Variants in ARHGAP18 observed in about 807,000 individuals in gnomAD.
The protein encoded by ARHGAP18 is Rho GTPase activating protein 18.
A neutral mutation model predicts 86.2 loss-of-function variants in ARHGAP18; 67 were observed. That is an observed-to-expected ratio of 0.78 (90% CI 0.64 to 0.95). The LOEUF (loss-of-function observed/expected upper bound fraction) is 0.95, where lower values mean the gene tolerates loss of function less well. Among genes scored for constraint, ARHGAP18 ranks in the 40% least tolerant of loss-of-function variants. The probability of loss-of-function intolerance (pLI) is 0.00; values close to 1 mark genes in which losing one functional copy is unlikely to be tolerated. For missense variants in ARHGAP18, 691 were observed against 780.4 expected (o/e 0.89, Z 1.37); for synonymous variants, 283 against 280.4 (o/e 1.01, Z -0.09).
At chr6:129,609,918 A>G (rs1034585943) in intron 8 of ARHGAP18, among the ~76,000 whole-genome samples, 6 of 151,248 alleles carry the variant, frequency 4.0e-5, no homozygotes, top group Non-Finnish European at 8.8e-5. Context: ...TGAAATGTAT[A>G]AAGAGTAATT....
intron 8 of ARHGAP18, among the ~76,000 whole-genome samples, chr6:129,611,041 T>A (rs1788968117): frequency 6.6e-6 from 1 of 152,130 alleles, no homozygotes; most frequent in Non-Finnish European, 1.5e-5. Context: ...GAACTCCAGG[T>A]GACCACCACA....
intron 12 of ARHGAP18, 22 bp downstream of exon 12, chr6:129,599,194 C>A: frequency 6.7e-7 from 1 of 1,498,256 alleles, no homozygotes; most frequent in Admixed American, 2.4e-5. Flanking sequence ...TGAATAAATA[C>A]ATATCTCCAC....
At chr6:129,629,272 CGTGT>C (rs1242911810) in intron 5 of ARHGAP18, 77 bp downstream of exon 5, 29 of 1,090,784 alleles carry the variant, frequency 2.7e-5, no homozygotes, top group Non-Finnish European at 3.8e-5. Flanking sequence ...TGTGTGTGTG[CGTGT>C]GTGTGTATGT....
In ARHGAP18 at chr6:129,576,726, G is replaced by A. The variant is rs750381033; in HGVS notation, c.*1787C>T. ...TTTTACTTAAATCATTATCCTCACT[G>A]CTATCTTTTTTTTTGAAGTTGTATA... On this transcript the variant is annotated 3_prime_UTR_variant, in exon 15 of 15. Coordinates refer to ENST00000368149, the MANE Select transcript of ARHGAP18 (RefSeq NM_033515.3). The A allele has an allele frequency of 2.6e-5, 4 of 151,784 alleles. No individual in the cohort carries two copies. The highest frequency in any genetic ancestry group is 7.3e-5 in the African/African-American group (3 of 41,332). The allele number at this position is 151,784 out of a possible 1,614,324, so 9.4% of individuals were successfully genotyped here.
intron 9 of ARHGAP18, 38 bp downstream of exon 9, chr6:129,607,855 C>T (rs765943657): frequency 2.8e-5 from 43 of 1,540,622 alleles, no homozygotes; most frequent in Non-Finnish European, 3.7e-5. Context: ...ATAGATGGCA[C>T]CAGCAGAAGG....
intron 1 of ARHGAP18, among the ~76,000 whole-genome samples, chr6:129,681,674 A>C (rs1468043761): frequency 6.6e-6 from 1 of 152,238 alleles, no homozygotes; most frequent in Non-Finnish European, 1.5e-5. Flanking sequence ...TCATGGCTTA[A>C]AACATAGCAA....
At chr6:129,708,150 T>C (rs1003023332) in intron 1 of ARHGAP18, among the ~76,000 whole-genome samples, 1 of 152,156 alleles carries the variant, frequency 6.6e-6, no homozygotes, top group African/African-American at 2.4e-5. Context: ...GTAAAAGCCA[T>C]TGAAAACTAG....
At chr6:129,685,288 A>G (rs191167742) in intron 1 of ARHGAP18, among the ~76,000 whole-genome samples, 108 of 152,228 alleles carry the variant, frequency 7.1e-4, no homozygotes, top group African/African-American at 2.5e-3. Context: ...GGGCGGATCA[A>G]TTGAGGTCAA....
At chr6:129,656,764 C>G (rs73592453) in intron 1 of ARHGAP18, among the ~76,000 whole-genome samples, 21,442 of 152,240 alleles carry the variant, frequency 0.14, 1,639 homozygotes, top group African/African-American at 0.2. Flanking sequence ...TCTCCCAGAG[C>G]CAACAGTGTC....
intron 1 of ARHGAP18, among the ~76,000 whole-genome samples, chr6:129,700,701 T>C (rs1403769924): frequency 6.6e-6 from 1 of 152,212 alleles, no homozygotes; most frequent in African/African-American, 2.4e-5. Flanking sequence ...CATGTAAGTA[T>C]GTTACATATG....
At chr6:129,635,375 A>C (rs72984766) in intron 3 of ARHGAP18, among the ~76,000 whole-genome samples, 1 of 152,148 alleles carries the variant, frequency 6.6e-6, no homozygotes, top group African/African-American at 2.4e-5. Context: ...AAAACCCAGG[A>C]AAGTGTTACA....
chr6:129,645,885 G>A (rs756010147), intron 1 of ARHGAP18, among the ~76,000 whole-genome samples: 2 of 152,062 alleles, frequency 1.3e-5, no homozygotes, highest in Non-Finnish European at 2.9e-5. Flanking sequence ...ACAAAAATGA[G>A]GGCTTTGTTT....
chr6:129,664,169 C>A (rs1484163012), intron 1 of ARHGAP18, among the ~76,000 whole-genome samples: 1 of 152,218 alleles, frequency 6.6e-6, no homozygotes, highest in Non-Finnish European at 1.5e-5. Flanking sequence ...GACTCATTAT[C>A]TCGAACCCAT....
chr6:129,632,571 A>G (rs529732281), intron 4 of ARHGAP18, among the ~76,000 whole-genome samples: 2 of 152,252 alleles, frequency 1.3e-5, no homozygotes, highest in Non-Finnish European at 2.9e-5. Flanking sequence ...TCTCCTGATG[A>G]CCCAGCTCTC....
chr6:129,646,328 C>A (rs1288662795), intron 1 of ARHGAP18, among the ~76,000 whole-genome samples: 1 of 152,124 alleles, frequency 6.6e-6, no homozygotes, highest in East Asian at 1.9e-4. Flanking sequence ...TACTGAAGTG[C>A]CTCATAGGTA....
At chr6:129,599,667 C>T (rs1001368312) in intron 11 of ARHGAP18, among the ~76,000 whole-genome samples, 4 of 152,072 alleles carry the variant, frequency 2.6e-5, no homozygotes, top group Non-Finnish European at 2.9e-5. Flanking sequence ...CCTGAGGTGA[C>T]GAGCAGTAGA....
At chr6:129,617,160 G>GA (rs1226587605) in intron 6 of ARHGAP18, among the ~76,000 whole-genome samples, 3 of 152,094 alleles carry the variant, frequency 2.0e-5, no homozygotes, top group East Asian at 1.9e-4. Context: ...AATAGCTCCA[G>GA]AAAAAAATGA....
chr6:129,670,884 G>A (rs577602799), intron 1 of ARHGAP18, among the ~76,000 whole-genome samples: 8 of 152,200 alleles, frequency 5.3e-5, no homozygotes, highest in African/African-American at 1.9e-4. Context: ...CCTTCCTGGA[G>A]TCCCAAGAAG....
chr6:129,692,184 G>C (rs1241446178), intron 1 of ARHGAP18, among the ~76,000 whole-genome samples: 1 of 152,232 alleles, frequency 6.6e-6, no homozygotes, highest in African/African-American at 2.4e-5. Context: ...AGGCTGGGCA[G>C]CCTGGGCATT....
Sources: gnomAD v4.1 joint callset for allele counts (sites outside exome capture counted in the v4.1 genomes callset) on GRCh38, gnomAD v4.1.1 for gene constraint, MANE v1.5 for transcripts, NCBI Gene and HGNC (gene_info 2026-07-23, HGNC 2026-07-21) for gene names.